Variants in MAN1C1 observed in about 807,000 individuals in gnomAD.
MAN1C1 encodes mannosyl-oligosaccharide 1,2-alpha-mannosidase IC.
In MAN1C1, 49 loss-of-function variants were observed where a neutral mutation model predicts 71.5. The observed-to-expected ratio is 0.69, with a 90% CI of 0.54 to 0.87. The LOEUF is 0.87. Among genes scored for constraint, MAN1C1 ranks in the 40% least tolerant of loss-of-function variants. The probability of loss-of-function intolerance (pLI) is 0.00; values close to 1 mark genes in which losing one functional copy is unlikely to be tolerated. For missense variants in MAN1C1, 743 were observed against 835.0 expected (o/e 0.89, Z 1.36); for synonymous variants, 352 against 343.7 (o/e 1.02, Z -0.27).
intron 2 of MAN1C1, among the ~76,000 whole-genome samples, chr1:25,742,273 T>C (rs2047073178): frequency 1.3e-5 from 2 of 152,130 alleles, no homozygotes; most frequent in African/African-American, 4.8e-5. Context: ...TTCCTGAGCT[T>C]GGGGAGAGAC....
At chr1:25,712,952 T>A (rs954604375) in intron 2 of MAN1C1, among the ~76,000 whole-genome samples, 1 of 152,244 alleles carries the variant, frequency 6.6e-6, no homozygotes, top group Non-Finnish European at 1.5e-5. Context: ...GATATTGACT[T>A]GGGATTAAAC....
chr1:25,631,051 G>A lies in MAN1C1; in HGVS notation c.540+12714G>A, dbSNP rs1006786623. ...ACGATCTTGGCTCACTGAAACCCCC[G>A]CCTCCCGCATTTAAGTGATTCTTGT... On this transcript the variant is annotated intron_variant, in intron 1 of 11. Coordinates refer to ENST00000374332, the MANE Select transcript of MAN1C1 (RefSeq NM_020379.4). The surrounding 1 kb of genome is among the most constrained non-coding windows in gnomAD (Gnocchi z 4.2). Among the ~76,000 whole-genome samples the A allele has an allele frequency of 6.6e-6, 1 of 152,032 alleles. No individual in the cohort carries two copies. Among genetic ancestry groups the A allele is most frequent in the Non-Finnish European group, 1.5e-5 (1 of 68,008 alleles).
chr1:25,780,943 C>T lies in MAN1C1; in HGVS notation c.1481C>T (p.Thr494Ile), dbSNP rs766601042. ...CTCTGCTTGGCTGTTTCCCCAGACA[C>T]CAAACTTGGGCCTGAGGCCTTCTGG... ...TCHESYARSDTKLGPEAFWFN... is the reference protein window; with the variant it reads ...TCHESYARSDIKLGPEAFWFN... Residue 494 changes from threonine to isoleucine, a missense_variant, in exon 10 of 12, where the codon ACC becomes ATC. Transcript: ENST00000374332. The T allele has an allele frequency of 1.1e-5, 17 of 1,613,728 alleles. No homozygotes were observed. The highest frequency in any genetic ancestry group is 3.3e-5 in the South Asian group (3 of 91,062).
intron 1 of MAN1C1, among the ~76,000 whole-genome samples, chr1:25,675,176 C>T (rs1267878555): frequency 6.6e-6 from 1 of 152,070 alleles, no homozygotes; most frequent in Non-Finnish European, 1.5e-5. Context: ...TTTCGTGCAC[C>T]TGTCACCTGA....
chr1:25,693,407 A>G lies in MAN1C1; in HGVS notation c.637+6871A>G, dbSNP rs186463427. On this transcript the variant is annotated intron_variant, in intron 2 of 11. Transcript: ENST00000374332. ...CACTTTAGGAGGCCAAGGTGGGCAG[A>G]GCCCCTGAGGTCAGGAGTTCGAAAC... Among the ~76,000 whole-genome samples, 11 of 152,262 alleles carry G rather than the reference A, an allele frequency of 7.2e-5. No homozygotes were observed. In the East Asian group the frequency reaches 1.7e-3, roughly 24 times the overall value.
At chr1:25,743,352 C>T (rs2047086282) in intron 2 of MAN1C1, among the ~76,000 whole-genome samples, 1 of 152,230 alleles carries the variant, frequency 6.6e-6, no homozygotes, top group Non-Finnish European at 1.5e-5. Flanking sequence ...CAAGCTGGCT[C>T]TTTGTGTATA....
intron 1 of MAN1C1, among the ~76,000 whole-genome samples, chr1:25,636,895 C>G (rs1221992944): frequency 2.0e-5 from 3 of 152,204 alleles, no homozygotes; most frequent in Non-Finnish European, 4.4e-5. Flanking sequence ...TGGCTCATGC[C>G]TGTAATCCCA....
chr1:25,696,712 C>T (rs2046374582), intron 2 of MAN1C1, among the ~76,000 whole-genome samples: 1 of 152,030 alleles, frequency 6.6e-6, no homozygotes, highest in Non-Finnish European at 1.5e-5. Flanking sequence ...AGTGGTGTGA[C>T]CATAGCTCAC....
At chr1:25,766,947 G>T (rs1416186122) in intron 7 of MAN1C1, among the ~76,000 whole-genome samples, 4 of 152,086 alleles carry the variant, frequency 2.6e-5, no homozygotes, top group African/African-American at 9.7e-5. Flanking sequence ...GAGCGCATTG[G>T]CACGGTCAGG....
In MAN1C1 at chr1:25,753,113, C is replaced by G. The variant is rs905271195; in HGVS notation, c.835-371C>G. Among the ~76,000 whole-genome samples, 2 of 152,152 alleles carry G rather than the reference C, an allele frequency of 1.3e-5. No individual in the cohort carries two copies. The highest frequency in any genetic ancestry group is 4.8e-5 in the African/African-American group (2 of 41,416). ...CTGGACTTGGAGGTGCCCCCCACCC[C>G]CCGCACCTCACTGCTTTCTCCCTCA... On this transcript the variant is annotated intron_variant, in intron 4 of 11. Coordinates refer to ENST00000374332, the MANE Select transcript of MAN1C1 (RefSeq NM_020379.4). This position sits in a 1 kb window ranked among gnomAD's most constrained non-coding sequence, Gnocchi z 4.9.
At chr1:25,780,664 C>A in intron 9 of MAN1C1, 1 of 345,554 alleles carries the variant, frequency 2.9e-6, no homozygotes, top group Non-Finnish European at 5.4e-6. Context: ...CCTTCACCTA[C>A]CCAGACTGCT....
At chr1:25,757,500 CGG>C (rs4018193) in intron 5 of MAN1C1, among the ~76,000 whole-genome samples, 2,414 of 150,662 alleles carry the variant, frequency 0.016, 63 homozygotes, top group African/African-American at 0.052. Flanking sequence ...AACTGAGGCA[CGG>C]GGGGGGGGGG....
At chr1:25,635,632 A>T (rs949811534) in intron 1 of MAN1C1, among the ~76,000 whole-genome samples, 4 of 151,882 alleles carry the variant, frequency 2.6e-5, no homozygotes, top group African/African-American at 9.7e-5. Context: ...TATTTTTTGT[A>T]GAGACAGGGT....
intron 2 of MAN1C1, among the ~76,000 whole-genome samples, chr1:25,723,090 C>T (rs2046788194): frequency 6.7e-6 from 1 of 150,328 alleles, no homozygotes; most frequent in Non-Finnish European, 1.5e-5. Context: ...TCTTTTCATT[C>T]ACTGTGCCGG....
At chr1:25,748,566 C>T (rs1368468009) in intron 3 of MAN1C1, among the ~76,000 whole-genome samples, 2 of 152,208 alleles carry the variant, frequency 1.3e-5, no homozygotes, top group Non-Finnish European at 2.9e-5. Flanking sequence ...AAAGGCTGCA[C>T]ATCTTTTCTG....
chr1:25,700,404 G>A lies in MAN1C1; in HGVS notation c.637+13868G>A, dbSNP rs570416517. 7.4e-4 allele frequency among the ~76,000 whole-genome samples: 112 copies of A among 152,362 alleles called. No homozygotes were observed. In the Middle Eastern group the frequency reaches 0.034, roughly 46 times the overall value. On this transcript the variant is annotated intron_variant, in intron 2 of 11. Coordinates refer to ENST00000374332, the MANE Select transcript of MAN1C1 (RefSeq NM_020379.4). ...ATTGTTTTGCAACAAGAAACTGACA[G>A]TGCTTGGGGACATGGAGAATTTATT...
At position 25,762,383 on chromosome 1, in the gene MAN1C1, A is replaced by G. The variant is rs142859328; in HGVS notation, c.1048-1491A>G. Among the ~76,000 whole-genome samples, 977 of 151,846 alleles carry G rather than the reference A, an allele frequency of 6.4e-3. 18 individuals are homozygous for G. Among genetic ancestry groups the G allele is most frequent in the African/African-American group, 0.023 (933 of 41,424 alleles). On this transcript the variant is annotated intron_variant, in intron 6 of 11. Coordinates refer to ENST00000374332, the MANE Select transcript of MAN1C1 (RefSeq NM_020379.4). ...AACAATCTGCCCAACTCAGCCTCCC[A>G]AAGTGCTGGGATTACAGGAGTGAGC...
chr1:25,672,639 C>T (rs1000888914), intron 1 of MAN1C1, among the ~76,000 whole-genome samples: 2 of 152,184 alleles, frequency 1.3e-5, no homozygotes, highest in Non-Finnish European at 2.9e-5. Flanking sequence ...CCCCGATAAT[C>T]AGGCTAATCT....
At chr1:25,772,078 T>A in intron 8 of MAN1C1, 2 of 331,588 alleles carry the variant, frequency 6.0e-6, no homozygotes, top group Non-Finnish European at 1.1e-5. Context: ...AACCACCACC[T>A]GCTTGGTGTC....
Sources: allele counts gnomAD v4.1 joint callset (sites outside exome capture counted in the v4.1 genomes callset), GRCh38; gene constraint gnomAD v4.1.1; non-coding constraint Gnocchi (gnomAD v3.1); transcripts MANE v1.5; gene names NCBI Gene and HGNC (gene_info 2026-07-23, HGNC 2026-07-21).